The following SEH1L variants were observed in gnomAD, a reference collection of about 807,000 sequenced individuals.
SEH1L encodes SEH1 like nucleoporin, also known as nucleoporin SEH1.
In SEH1L, 18 loss-of-function variants were observed where a neutral mutation model predicts 49.5. The observed-to-expected ratio is 0.36, with a 90% CI of 0.25 to 0.54. The LOEUF is 0.54. Among genes scored for constraint, SEH1L ranks in the 20% least tolerant of loss-of-function variants. SEH1L has a pLI of 0.87. For missense variants in SEH1L, 404 were observed against 528.8 expected, an observed-to-expected ratio of 0.76 and a Z score of 2.31; for synonymous variants, 169 against 178.1, an observed-to-expected ratio of 0.95 and a Z score of 0.41.
chr18:12,955,422 A>C (rs1161256933), intron 2 of SEH1L, 41 bp from the exon 3 acceptor site: 9 of 1,545,638 alleles, frequency 5.8e-6, no homozygotes, highest in African/African-American at 1.5e-5. Context: ...CCCTGGGATA[A>C]TGAGTATCTG....
intron 4 of SEH1L, among the ~76,000 whole-genome samples, chr18:12,963,652 G>GTAGC (rs1265301715): frequency 6.6e-6 from 1 of 152,242 alleles, no homozygotes; most frequent in East Asian, 1.9e-4. Context: ...AACACGCCCA[G>GTAGC]ATATTCACTA....
chr18:12,982,450 T>G (rs1199018988), intron 6 of SEH1L, 68 bp from the exon 7 acceptor site: 2 of 1,092,034 alleles, frequency 1.8e-6, no homozygotes, highest in East Asian at 2.5e-5. Context: ...TATATATATA[T>G]GTGTGTGTAT....
chr18:12,963,015 A>G (rs1236172375), intron 3 of SEH1L, 145 bp from the exon 4 acceptor site: 1 of 535,244 alleles, frequency 1.9e-6, no homozygotes, highest in East Asian at 3.0e-5. Flanking sequence ...ACTTGTAGGA[A>G]CTTGTGGCCC....
At chr18:12,966,532 T>A (rs1057226250) in intron 4 of SEH1L, among the ~76,000 whole-genome samples, 1 of 152,190 alleles carries the variant, frequency 6.6e-6, no homozygotes, top group Non-Finnish European at 1.5e-5. Context: ...CCCAAGTAAC[T>A]GGGACTACAG....
chr18:12,961,394 T>G (rs2031170077), intron 3 of SEH1L, among the ~76,000 whole-genome samples: 1 of 152,164 alleles, frequency 6.6e-6, no homozygotes, highest in South Asian at 2.1e-4. Context: ...GAGAGAAAGT[T>G]TAACAACTGC....
chr18:12,949,435 G>T, intron 1 of SEH1L, among the ~76,000 whole-genome samples: 1 of 111,664 alleles, frequency 9.0e-6, no homozygotes, highest in Admixed American at 9.3e-5. Flanking sequence ...AATAAACTAC[G>T]TTAACCGTTT....
intron 2 of SEH1L, among the ~76,000 whole-genome samples, chr18:12,953,307 A>G (rs2030658803): frequency 6.6e-6 from 1 of 152,180 alleles, no homozygotes; most frequent in Admixed American, 6.5e-5. Flanking sequence ...GTTATGAGTA[A>G]TGTTAAGAAC....
intron 3 of SEH1L, among the ~76,000 whole-genome samples, chr18:12,955,864 T>C (rs1030630005): frequency 6.6e-6 from 1 of 152,160 alleles, no homozygotes; most frequent in African/African-American, 2.4e-5. Flanking sequence ...TGTATTTGAT[T>C]TTACCTATTA....
chr18:12,961,951 C>G (rs1228492942), intron 3 of SEH1L, among the ~76,000 whole-genome samples: 1 of 152,206 alleles, frequency 6.6e-6, no homozygotes, highest in Non-Finnish European at 1.5e-5. Context: ...CAGGCGTGAG[C>G]TACTGCACCT....
intron 2 of SEH1L, among the ~76,000 whole-genome samples, chr18:12,952,439 G>C (rs566319713): frequency 5.9e-5 from 9 of 152,024 alleles, no homozygotes; most frequent in African/African-American, 2.2e-4. Flanking sequence ...CGCCATGTTG[G>C]CCAGGCTGGT....
In SEH1L at chr18:12,987,338, C is replaced by G. The variant is rs1036056884; in HGVS notation, c.*281C>G. 18 of 226,742 alleles carry G rather than the reference C, an allele frequency of 7.9e-5. No individual in the cohort carries two copies. Among genetic ancestry groups the G allele is most frequent in the Non-Finnish European group, 1.3e-4 (15 of 116,746 alleles). The allele number at this position is 226,742 out of a possible 1,614,324, so 14.0% of individuals were successfully genotyped here. On this transcript the variant is annotated 3_prime_UTR_variant, in exon 9 of 9. Transcript: ENST00000399892. Reference sequence around the variant, plus strand: ...AGTAGCTGACTTCAAAGTGCCTGTTCTGTAAATTTTATTTTAAACTGTTAC... The same window carrying G: ...AGTAGCTGACTTCAAAGTGCCTGTTGTGTAAATTTTATTTTAAACTGTTAC...
At position 12,979,878 on chromosome 18, in the gene SEH1L, C is replaced by T. The variant is rs1014436417; in HGVS notation, c.761+986C>T. Reference sequence around the variant, plus strand: ...GGCGGCTGGCCGGGCGGGGGGCTGACCCCCCCACCTCCTTCGCGGACGGGG... The same window carrying T: ...GGCGGCTGGCCGGGCGGGGGGCTGATCCCCCCACCTCCTTCGCGGACGGGG... On this transcript the variant is annotated intron_variant, in intron 6 of 8. Transcript: ENST00000399892. Among the ~76,000 whole-genome samples the T allele has an allele frequency of 4.1e-4, 57 of 138,034 alleles. 1 individual carries two copies. Among genetic ancestry groups the T allele is most frequent in the Admixed American group, 1.5e-3 (21 of 14,166 alleles). The allele number at this position is 138,034 out of a possible 152,430, so 90.6% of individuals were successfully genotyped here.
rs1278359425 is a variant in SEH1L, at chr18:12,986,802, T to TG, written c.1071-59dup. On this transcript the variant is annotated intron_variant, in intron 8 of 8. Transcript: ENST00000399892. ...ATTTACTACTTTTCTCTTTTTCTTGTGTTTTTTTTTTCCTGTTTTTGTTTT... is the reference window on the plus strand; with the variant it reads ...ATTTACTACTTTTCTCTTTTTCTTGTGGTTTTTTTTTTCCTGTTTTTGTTTT... The TG allele has an allele frequency of 2.3e-5, 27 of 1,188,382 alleles. No individual in the cohort carries two copies. In the East Asian group the frequency reaches 2.3e-4, roughly 10 times the overall value. 73.6% of individuals were successfully genotyped at this position (1,188,382 alleles called of 1,614,324 possible). A position where few individuals can be genotyped will look rare whatever the true frequency, so the allele number is the denominator to read the frequency against.
chr18:12,956,901 A>T (rs1364123626), intron 3 of SEH1L, among the ~76,000 whole-genome samples: 1 of 152,116 alleles, frequency 6.6e-6, no homozygotes, highest in Non-Finnish European at 1.5e-5. Flanking sequence ...CCCTGTCTCT[A>T]CTAAAAATAC....
At chr18:12,956,149 A>G (rs1343759574) in intron 3 of SEH1L, among the ~76,000 whole-genome samples, 1 of 150,454 alleles carries the variant, frequency 6.6e-6, no homozygotes, top group Non-Finnish European at 1.5e-5. Flanking sequence ...GGTTCACGCC[A>G]TTCTCCTACC....
chr18:12,954,296 T>C (rs1056231552), intron 2 of SEH1L, among the ~76,000 whole-genome samples: 2 of 152,216 alleles, frequency 1.3e-5, no homozygotes, highest in Admixed American at 6.5e-5. Context: ...TTTGTATCCC[T>C]TCTCCAGCCA....
chr18:12,980,507 C>A (rs867717874), intron 6 of SEH1L, among the ~76,000 whole-genome samples: 1 of 58,524 alleles, frequency 1.7e-5, no homozygotes, highest in Non-Finnish European at 3.2e-5. Flanking sequence ...GGCGGCTGGC[C>A]GGGCGGGGGG....
intron 5 of SEH1L, chr18:12,978,271 A>G (rs2032007393): frequency 6.5e-6 from 1 of 152,804 alleles, no homozygotes; most frequent in African/African-American, 2.4e-5. Flanking sequence ...ACAGAAATGT[A>G]TTCACTCACA....
At chr18:12,952,100 A>G (rs539192386) in intron 2 of SEH1L, among the ~76,000 whole-genome samples, 195 bp downstream of exon 2, 25 of 152,218 alleles carry the variant, frequency 1.6e-4, no homozygotes, top group African/African-American at 6.0e-4. Context: ...GTAATTCTGT[A>G]GCATTCTAAC....
Sources: gnomAD v4.1 joint callset for allele counts (sites outside exome capture counted in the v4.1 genomes callset) on GRCh38, gnomAD v4.1.1 for gene constraint, MANE v1.5 for transcripts, NCBI Gene and HGNC (gene_info 2026-07-23, HGNC 2026-07-21) for gene names.